SBF2: variants seen among roughly 807,000 people sequenced by gnomAD.
SBF2 encodes the protein myotubularin-related protein 13.
Under a neutral mutation model 225.2 loss-of-function variants are expected in SBF2, and 112 were observed. The ratio of observed to expected loss-of-function variants is 0.50; its 90% CI spans 0.43 to 0.58. The LOEUF is 0.58. Among genes scored for constraint, SBF2 ranks in the 20% least tolerant of loss-of-function variants. The probability of loss-of-function intolerance (pLI) is 0.00; values close to 1 mark genes in which losing one functional copy is unlikely to be tolerated. For synonymous variants in SBF2, 763 were observed against 773.3 expected (o/e 0.99, Z 0.22); for missense variants, 1,996 against 2,206.2 (o/e 0.90, Z 1.91).
At chr11:10,042,778 G>A in intron 3 of SBF2, 66 bp downstream of exon 3, 1 of 1,536,528 alleles carries the variant, frequency 6.5e-7, no homozygotes, top group South Asian at 1.1e-5. Context: ...CAAAAATATG[G>A]CATATAAAAA....
At chr11:10,170,989 T>C (rs1427933035) in intron 2 of SBF2, among the ~76,000 whole-genome samples, 1 of 152,192 alleles carries the variant, frequency 6.6e-6, no homozygotes, top group East Asian at 1.9e-4. Context: ...ATGCTAACTT[T>C]GTATCCTGCA....
At chr11:10,062,926 A>G (rs1026157113) in intron 2 of SBF2, among the ~76,000 whole-genome samples, 1 of 152,204 alleles carries the variant, frequency 6.6e-6, no homozygotes, top group Admixed American at 6.5e-5. Flanking sequence ...CAGCAAAGAC[A>G]TGGAATCAAC....
chr11:10,006,688 A>C (rs1421732070), intron 6 of SBF2, among the ~76,000 whole-genome samples: 1 of 152,332 alleles, frequency 6.6e-6, no homozygotes, highest in African/African-American at 2.4e-5. Context: ...AAGCATAAGA[A>C]GGCTTTCCAT....
At chr11:10,295,668 A>G (rs1964494512), upstream of SBF2, among the ~76,000 whole-genome samples, 1 of 152,026 alleles carries the variant, frequency 6.6e-6, no homozygotes, top group Admixed American at 6.5e-5. Flanking sequence ...CAACTTGATC[A>G]CTTTCAGTAA....
At chr11:10,061,678 C>T (rs371335041) in intron 2 of SBF2, among the ~76,000 whole-genome samples, 26 of 151,978 alleles carry the variant, frequency 1.7e-4, no homozygotes, top group Admixed American at 2.6e-4. Flanking sequence ...AAACACTGCT[C>T]GAAGAAATCA....
chr11:9,781,695 C>T, intron 38 of SBF2, 57 bp from the exon 39 acceptor site: 2 of 1,602,922 alleles, frequency 1.2e-6, no homozygotes, highest in South Asian at 1.1e-5. Flanking sequence ...AATGCCATGG[C>T]TTTTCAAACT....
chr11:9,809,544 A>AT (rs35374748), intron 30 of SBF2, among the ~76,000 whole-genome samples: 39,913 of 136,326 alleles, frequency 0.29, 6,456 homozygotes, highest in African/African-American at 0.43. Flanking sequence ...TGTTTCAGAC[A>AT]TTTTTTTTTT....
intron 2 of SBF2, among the ~76,000 whole-genome samples, chr11:10,065,962 C>T (rs1950610536): frequency 1.3e-5 from 2 of 151,934 alleles, no homozygotes; most frequent in Admixed American, 6.6e-5. Context: ...AACAAACAAA[C>T]AAACAAACAA....
chr11:9,845,892 TA>T, intron 23 of SBF2, 152 bp from the exon 24 acceptor site: 6 of 700,002 alleles, frequency 8.6e-6, no homozygotes, highest in South Asian at 3.6e-5. Flanking sequence ...TTTTTAAAAA[TA>T]AAAAAAGGCT....
At chr11:10,165,393 A>C (rs11042650) in intron 2 of SBF2, among the ~76,000 whole-genome samples, 14,633 of 152,216 alleles carry the variant, frequency 0.096, 963 homozygotes, top group East Asian at 0.28. Context: ...CCTAATAGCA[A>C]TACAGCTAAC....
rs146020874 is a variant in SBF2, at chr11:9,785,059, CCTGTGGTTTAGCCTCAGGTG to C, written c.5231+46_5231+65del. On this transcript the variant is annotated intron_variant, in intron 37 of 39. Transcript: ENST00000256190. Reference sequence around the variant, plus strand: ...TGCACAGGCCTAGCTTATTGAGGGACCTGTGGTTTAGCCTCAGGTGCTGTGGGGAAGTCTTCAGCACAGCG... The same window carrying C: ...TGCACAGGCCTAGCTTATTGAGGGACCTGTGGGGAAGTCTTCAGCACAGCG... The C allele has an allele frequency of 5.3e-4, 731 of 1,386,018 alleles. 5 individuals carry two copies. The African/African-American group carries it at 9.2e-3, about 17-fold the overall frequency. 85.9% of individuals were successfully genotyped at this position (1,386,018 alleles called of 1,614,324 possible).
intron 2 of SBF2, among the ~76,000 whole-genome samples, chr11:10,148,940 T>G (rs1364943670): frequency 6.6e-6 from 1 of 152,116 alleles, no homozygotes; most frequent in Non-Finnish European, 1.5e-5. Flanking sequence ...CCTTGCCTGT[T>G]ATCTCCCGTG....
chr11:10,168,616 C>T (rs987298172), intron 2 of SBF2, among the ~76,000 whole-genome samples: 11 of 152,122 alleles, frequency 7.2e-5, no homozygotes, highest in South Asian at 6.2e-4. Context: ...ATGTACCTTC[C>T]GGAAATTTTA....
intron 28 of SBF2, 145 bp from the exon 29 acceptor site, chr11:9,817,169 G>T: frequency 1.2e-6 from 1 of 815,142 alleles, no homozygotes; most frequent in Non-Finnish European, 2.1e-6. Flanking sequence ...ATGGTCATTT[G>T]CTACTTCTGT....
chr11:9,911,818 G>A (rs954992904), intron 16 of SBF2, among the ~76,000 whole-genome samples: 1 of 152,152 alleles, frequency 6.6e-6, no homozygotes, highest in Non-Finnish European at 1.5e-5. Flanking sequence ...TTACCATTGT[G>A]TTACAACTGC....
chr11:9,946,982 G>T (rs1027553273), intron 16 of SBF2, among the ~76,000 whole-genome samples: 2 of 152,150 alleles, frequency 1.3e-5, no homozygotes, highest in Non-Finnish European at 2.9e-5. Context: ...TGTAACAAAA[G>T]TTGTTTTAGG....
chr11:9,860,107 G>C (rs1590244294), intron 17 of SBF2, among the ~76,000 whole-genome samples: 1 of 152,166 alleles, frequency 6.6e-6, no homozygotes, highest in Non-Finnish European at 1.5e-5. Context: ...TGCGTAAGCA[G>C]AAGCCACACA....
intron 13 of SBF2, among the ~76,000 whole-genome samples, chr11:9,985,898 A>G (rs11526057): frequency 0.033 from 5,011 of 152,290 alleles, 309 homozygotes; most frequent in East Asian, 0.18. Context: ...CAACAAAGAA[A>G]CAATGGATTT....
At chr11:10,128,685 A>G (rs1200489910) in intron 2 of SBF2, among the ~76,000 whole-genome samples, 1 of 152,234 alleles carries the variant, frequency 6.6e-6, no homozygotes, top group African/African-American at 2.4e-5. Flanking sequence ...TAAAGAAAAT[A>G]CTGCTGTTCA....
Sources: allele counts gnomAD v4.1 joint callset (sites outside exome capture counted in the v4.1 genomes callset), GRCh38; gene constraint gnomAD v4.1.1; transcripts MANE v1.5; gene names NCBI Gene and HGNC (gene_info 2026-07-23, HGNC 2026-07-21).